The following SLC8B1 variants were observed in gnomAD, a reference collection of about 807,000 sequenced individuals.
SLC8B1 encodes solute carrier family 8 member B1, also known as mitochondrial sodium/calcium exchanger protein.
In SLC8B1, 52 loss-of-function variants were observed where a neutral mutation model predicts 63.4. The observed-to-expected ratio is 0.82, with a 90% CI of 0.66 to 1.03. The LOEUF (loss-of-function observed/expected upper bound fraction) is 1.03. Among genes scored for constraint, SLC8B1 ranks in the 50% least tolerant of loss-of-function variants. The pLI is 0.00. For synonymous variants in SLC8B1, 336 were observed against 323.9 expected (o/e 1.04, Z -0.40); for missense variants, 657 against 741.7 (o/e 0.89, Z 1.33).
intron 2 of SLC8B1, among the ~76,000 whole-genome samples, chr12:113,325,024 G>A (rs1215900887): frequency 6.6e-6 from 1 of 152,080 alleles, no homozygotes; most frequent in Non-Finnish European, 1.5e-5. Flanking sequence ...TCTAAGAGCT[G>A]TATCTGTAGC....
At chr12:113,321,576 T>C (rs1956930693) in intron 2 of SLC8B1, among the ~76,000 whole-genome samples, 1 of 152,124 alleles carries the variant, frequency 6.6e-6, no homozygotes, top group Non-Finnish European at 1.5e-5. Context: ...AACCAATACA[T>C]AAGATTTCTA....
chr12:113,329,923 T>G (rs1395283184), intron 2 of SLC8B1, among the ~76,000 whole-genome samples: 1 of 152,192 alleles, frequency 6.6e-6, no homozygotes, highest in Non-Finnish European at 1.5e-5. Context: ...TCTCCCTTGC[T>G]CACTGTTCCA....
At chr12:113,301,227 T>A (rs1593234016) in intron 15 of SLC8B1, among the ~76,000 whole-genome samples, 1 of 151,396 alleles carries the variant, frequency 6.6e-6, no homozygotes, top group Admixed American at 6.6e-5. Flanking sequence ...CAGCCAAACA[T>A]AAACAGTAGA....
At position 113,320,123 on chromosome 12, in the gene SLC8B1, C is replaced by G; in HGVS notation, c.694+208G>C. On this transcript the variant is annotated intron_variant, in intron 7 of 15. Transcript: ENST00000680972. The surrounding 1 kb of genome is among the most constrained non-coding windows in gnomAD (Gnocchi z 5.3). ...ATTGTGACACTTTTGAATACTCCCT[C>G]CCCAGCCCCCAGCTCTGCCAGGCCT... is the stretch of plus-strand genomic sequence containing the variant. 1.6e-6 allele frequency: 1 copy of G among 607,306 alleles called. No individual in the cohort carries two copies. The highest frequency in any genetic ancestry group is 2.1e-5 in the South Asian group (1 of 46,800). The allele number at this position is 607,306 out of a possible 1,614,324, so 37.6% of individuals were successfully genotyped here.
chr12:113,320,883 A>C lies in SLC8B1; in HGVS notation c.387T>G (p.Ile129Met), dbSNP rs138226641. 3 of 1,607,046 alleles carry C rather than the reference A, an allele frequency of 1.9e-6. No homozygotes were observed. Among genetic ancestry groups the C allele is most frequent in the Non-Finnish European group, 2.5e-6 (3 of 1,177,672 alleles). ...AKFFCPNLSAISTTLKLSHNV... is the reference protein window; with the variant it reads ...AKFFCPNLSAMSTTLKLSHNV... The stretch of plus-strand genomic sequence containing the variant: ...TGTGGGAGAGCTTCAGTGTGGTAGA[A>C]ATGGCCGACAAGTTGGGGCAGAAAC... The change falls in exon 5 of 16, where the codon ATT becomes ATG. Residue 129 changes from isoleucine (I) to methionine (M), a missense_variant. Physicochemically the swap from Ile to Met is conservative, Grantham distance 10 (BLOSUM62 1). Coordinates refer to ENST00000680972, the MANE Select transcript of SLC8B1 (RefSeq NM_001358345.2). This position sits in a 1 kb window ranked among gnomAD's most constrained non-coding sequence, Gnocchi z 5.3.
intron 1 of SLC8B1, among the ~76,000 whole-genome samples, chr12:113,333,423 A>G (rs1217615486): frequency 6.6e-6 from 1 of 152,230 alleles, no homozygotes; most frequent in Non-Finnish European, 1.5e-5. Context: ...CTTGCCCACC[A>G]CATTTTACAG....
chr12:113,323,105 G>A (rs1956953841), intron 2 of SLC8B1, among the ~76,000 whole-genome samples: 1 of 152,176 alleles, frequency 6.6e-6, no homozygotes. Flanking sequence ...CAGCCATTGG[G>A]TGAGGACTGC....
intron 12 of SLC8B1, among the ~76,000 whole-genome samples, chr12:113,309,554 G>C (rs1176985371): frequency 2.0e-5 from 3 of 152,186 alleles, no homozygotes; most frequent in African/African-American, 7.2e-5. Flanking sequence ...AGGAGTTTGA[G>C]AGTAGTCTGG....
At chr12:113,318,005 G>A (rs1170949780) in intron 8 of SLC8B1, among the ~76,000 whole-genome samples, 1 of 152,110 alleles carries the variant, frequency 6.6e-6, no homozygotes, top group Non-Finnish European at 1.5e-5. Flanking sequence ...ATGTATTTAT[G>A]TGTGTTGCAT....
At chr12:113,303,466 T>C (rs764128097) in intron 15 of SLC8B1, among the ~76,000 whole-genome samples, 20 of 152,194 alleles carry the variant, frequency 1.3e-4, no homozygotes, top group Non-Finnish European at 7.4e-5. Context: ...AGCTTTCCCA[T>C]GGCGAGGCTT....
chr12:113,315,298 T>G, intron 11 of SLC8B1, 37 bp downstream of exon 11: 3 of 1,470,324 alleles, frequency 2.0e-6, no homozygotes, highest in East Asian at 2.6e-5. Flanking sequence ...TGGGAAGGAG[T>G]AGGAAGGTGG....
chr12:113,326,733 G>A (rs1957001401), intron 2 of SLC8B1, among the ~76,000 whole-genome samples: 1 of 151,410 alleles, frequency 6.6e-6, no homozygotes, highest in Admixed American at 6.6e-5. Flanking sequence ...CTGGAGTGCA[G>A]AAGCATGATT....
At chr12:113,327,319 G>A (rs769840011) in intron 2 of SLC8B1, among the ~76,000 whole-genome samples, 5 of 151,904 alleles carry the variant, frequency 3.3e-5, no homozygotes, top group South Asian at 2.1e-4. Flanking sequence ...TCTAATTTGC[G>A]TCCTTCTAGG....
chr12:113,312,704 G>A (rs1025637654), intron 11 of SLC8B1, among the ~76,000 whole-genome samples: 2 of 152,140 alleles, frequency 1.3e-5, no homozygotes, highest in African/African-American at 4.8e-5. Flanking sequence ...TGGTGTTAAC[G>A]CCATGTGGTG....
Position 113,331,302 on chromosome 12 carries a change from C to T in SLC8B1, c.156+1421G>A, listed in dbSNP as rs1214039731. On this transcript the variant is annotated intron_variant, in intron 2 of 15. Transcript: ENST00000680972. ...TACTCGGGAGGCTGTGCATAAGAAT[C>T]GCTTGAACCCGGGAGGTGGAGGTTG... Among the ~76,000 whole-genome samples the T allele has an allele frequency of 1.7e-4, 26 of 150,704 alleles. No homozygotes were observed. The Admixed American group carries it at 1.7e-3, about 10-fold the overall frequency.
chr12:113,324,329 A>C (rs2384139), intron 2 of SLC8B1, among the ~76,000 whole-genome samples: 22,764 of 142,954 alleles, frequency 0.16, 2,671 homozygotes, highest in African/African-American at 0.33. Flanking sequence ...ACAAACAAAC[A>C]AAAAAAAAAA....
intron 2 of SLC8B1, among the ~76,000 whole-genome samples, chr12:113,332,120 G>A (rs911144970): frequency 7.9e-5 from 12 of 152,028 alleles, no homozygotes; most frequent in Non-Finnish European, 1.5e-4. Flanking sequence ...CTCTCCATTC[G>A]CTGGCTTGCC....
chr12:113,303,470 G>T (rs973547760), intron 15 of SLC8B1, among the ~76,000 whole-genome samples: 1 of 152,062 alleles, frequency 6.6e-6, no homozygotes, highest in African/African-American at 2.4e-5. Flanking sequence ...TTCCCATGGC[G>T]AGGCTTAAAA....
intron 2 of SLC8B1, among the ~76,000 whole-genome samples, chr12:113,328,367 C>A (rs1957020691): frequency 6.6e-6 from 1 of 152,148 alleles, no homozygotes; most frequent in Non-Finnish European, 1.5e-5. Context: ...GAATTCATCC[C>A]TTCCTTCCAT....
Sources: gnomAD v4.1 joint callset for allele counts (sites outside exome capture counted in the v4.1 genomes callset) on GRCh38, gnomAD v4.1.1 for gene constraint, Gnocchi (gnomAD v3.1) non-coding constraint, MANE v1.5 for transcripts, NCBI Gene and HGNC (gene_info 2026-07-23, HGNC 2026-07-21) for gene names.